The following PATL1 variants were observed in gnomAD, a reference collection of about 807,000 sequenced individuals.
PATL1 encodes the protein PAT1 homolog 1, processing body mRNA decay factor, also known as protein PAT1 homolog 1.
Under a neutral mutation model 100.6 loss-of-function variants are expected in PATL1, and 32 were observed. The ratio of observed to expected loss-of-function variants is 0.32; its 90% CI spans 0.24 to 0.43. The LOEUF is 0.43. PATL1 is among the 20% of genes least tolerant of loss of function. The pLI is 1.00. For synonymous variants in PATL1, 332 were observed against 330.0 expected, an observed-to-expected ratio of 1.01 and a Z score of -0.07; for missense variants, 747 against 949.9, an observed-to-expected ratio of 0.79 and a Z score of 2.81.
rs969412881 is a variant in PATL1, at chr11:59,666,542, C to T, written c.127+311G>A. On this transcript the variant is annotated intron_variant, in intron 2 of 18. Coordinates refer to ENST00000300146, the MANE Select transcript of PATL1 (RefSeq NM_152716.3). The stretch of plus-strand genomic sequence containing the variant: ...CCTCTCATCTAGGATTAATTTAAAT[C>T]TCTCTTAAATGTTTACTTCTCTAAA... 7.9e-5 allele frequency among the ~76,000 whole-genome samples: 12 copies of T among 152,254 alleles called. 1 individual carries two copies. Among genetic ancestry groups the T allele is most frequent in the Middle Eastern group, 6.8e-3 (2 of 294 alleles).
At chr11:59,649,859 C>T (rs527446363) in intron 13 of PATL1, among the ~76,000 whole-genome samples, 3 of 152,122 alleles carry the variant, frequency 2.0e-5, no homozygotes, top group African/African-American at 4.8e-5. Flanking sequence ...CGGTGGCTCA[C>T]GCCTGTAATC....
intron 4 of PATL1, among the ~76,000 whole-genome samples, chr11:59,658,288 C>T (rs567764165): frequency 6.6e-6 from 1 of 152,052 alleles, no homozygotes; most frequent in Non-Finnish European, 1.5e-5. Flanking sequence ...ACACTGATGA[C>T]CTCTCTGTCC....
intron 1 of PATL1, 52 bp from the exon 2 acceptor site, chr11:59,667,016 T>A (rs1295023449): frequency 2.0e-6 from 3 of 1,516,412 alleles, no homozygotes; most frequent in South Asian, 1.3e-5. Context: ...ACCCTCATTT[T>A]AAAAATGTTC....
At chr11:59,654,158 A>C (rs1267446189) in intron 8 of PATL1, 86 bp from the exon 9 acceptor site, 10 of 1,168,162 alleles carry the variant, frequency 8.6e-6, no homozygotes, top group Admixed American at 1.7e-5. Context: ...GGATAACTTC[A>C]TACAGGTTAA....
chr11:59,651,336 C>A (rs61901654), intron 12 of PATL1, among the ~76,000 whole-genome samples: 1 of 152,308 alleles, frequency 6.6e-6, no homozygotes, highest in East Asian at 1.9e-4. Context: ...CCAAAGACTC[C>A]TGCCACCCTA....
intron 5 of PATL1, chr11:59,657,217 C>G (rs1861548801): frequency 1.2e-6 from 1 of 818,398 alleles, no homozygotes; most frequent in Non-Finnish European, 1.5e-6. Context: ...TGTTCCCACT[C>G]CCCCCGGCTT....
intron 12 of PATL1, 58 bp from the exon 13 acceptor site, chr11:59,650,871 A>C: frequency 8.3e-7 from 1 of 1,205,292 alleles, no homozygotes; most frequent in Non-Finnish European, 1.2e-6. Context: ...ATAATTTACC[A>C]AGTGCGCATT....
intron 15 of PATL1, among the ~76,000 whole-genome samples, chr11:59,646,597 T>C (rs73486954): frequency 0.027 from 4,158 of 152,314 alleles, 185 homozygotes; most frequent in African/African-American, 0.094. Context: ...TATGAAAGAA[T>C]AATTTCCCTT....
intron 12 of PATL1, among the ~76,000 whole-genome samples, chr11:59,651,071 T>A (rs1861437609): frequency 6.7e-6 from 1 of 149,900 alleles, no homozygotes; most frequent in Non-Finnish European, 1.5e-5. Flanking sequence ...TATGAAAATC[T>A]TTTTTTTTTC....
At chr11:59,649,101 A>G (rs913916876) in intron 14 of PATL1, among the ~76,000 whole-genome samples, 1 of 152,246 alleles carries the variant, frequency 6.6e-6, no homozygotes, top group Non-Finnish European at 1.5e-5. Flanking sequence ...TCTTAGTAAT[A>G]AAGGAAATAT....
intron 9 of PATL1, 136 bp from the exon 10 acceptor site, chr11:59,653,154 A>G: frequency 1.4e-6 from 1 of 722,074 alleles, no homozygotes; most frequent in Non-Finnish European, 2.2e-6. Flanking sequence ...GGAGTGAAAA[A>G]GAACTAAGTC....
chr11:59,644,796 C>T (rs1341352567), intron 15 of PATL1, among the ~76,000 whole-genome samples: 1 of 151,470 alleles, frequency 6.6e-6, no homozygotes, highest in Non-Finnish European at 1.5e-5. Flanking sequence ...TGGCTCATGC[C>T]TGTAATCCCT....
chr11:59,656,433 G>T, intron 6 of PATL1, 66 bp downstream of exon 6: 1 of 1,316,460 alleles, frequency 7.6e-7, no homozygotes, highest in Non-Finnish European at 1.1e-6. Flanking sequence ...AATACTGGCA[G>T]TGATCTTACA....
chr11:59,668,825 T>G (rs1353400527), intron 1 of PATL1, 56 bp downstream of exon 1: 5 of 994,640 alleles, frequency 5.0e-6, no homozygotes, highest in Admixed American at 2.4e-5. Context: ...GGAGAGAGAG[T>G]GAGGGAGAGG....
intron 2 of PATL1, among the ~76,000 whole-genome samples, chr11:59,666,171 A>G (rs1189609313): frequency 6.6e-6 from 1 of 151,828 alleles, no homozygotes; most frequent in Admixed American, 6.6e-5. Context: ...GTTTGAACTC[A>G]GGAGGCGGAG....
At position 59,655,516 on chromosome 11, in the gene PATL1, T is replaced by G; in HGVS notation, c.1031+7A>C. ...AACTGATAAACAGTGGCGTTGATTTTGTATACCTTAGGTTTTGCAGGTGGG... is the reference window on the plus strand; with the variant it reads ...AACTGATAAACAGTGGCGTTGATTTGGTATACCTTAGGTTTTGCAGGTGGG... On this transcript the variant is annotated splice_region_variant and intron_variant, in intron 8 of 18. Transcript: ENST00000300146. The G allele has an allele frequency of 6.4e-7, 1 of 1,553,080 alleles. No individual in the cohort carries two copies. Among genetic ancestry groups the G allele is most frequent in the Non-Finnish European group, 8.7e-7 (1 of 1,146,114 alleles).
intron 16 of PATL1, among the ~76,000 whole-genome samples, chr11:59,640,774 T>C (rs1861266921): frequency 6.6e-6 from 1 of 151,240 alleles, no homozygotes; most frequent in South Asian, 2.1e-4. Flanking sequence ...GGCTCATGCC[T>C]GTAATTCCAG....
chr11:59,638,541 G>A (rs1291634235), intron 18 of PATL1, 130 bp from the exon 19 acceptor site: 2 of 883,382 alleles, frequency 2.3e-6, no homozygotes, highest in Admixed American at 4.2e-5. Flanking sequence ...TCTACCCTTA[G>A]CATTTGGTCA....
chr11:59,636,785 C>T lies in PATL1; in HGVS notation c.*1605G>A, dbSNP rs1489382734. The T allele has an allele frequency of 1.3e-5, 2 of 152,350 alleles. No homozygotes were observed. Among genetic ancestry groups the T allele is most frequent in the Non-Finnish European group, 2.9e-5 (2 of 67,984 alleles). 9.4% of individuals were successfully genotyped at this position (152,350 alleles called of 1,614,324 possible). On this transcript the variant is annotated 3_prime_UTR_variant, in exon 19 of 19. Transcript: ENST00000300146. ...ATGTAAATTTAGAAACTTTTATTTT[C>T]ATTAATTAGAACCAATCCAAACAAA...
Sources: gnomAD v4.1 joint callset for allele counts (sites outside exome capture counted in the v4.1 genomes callset) on GRCh38, gnomAD v4.1.1 for gene constraint, MANE v1.5 for transcripts, NCBI Gene and HGNC (gene_info 2026-07-23, HGNC 2026-07-21) for gene names.